Variants in ZNF248 observed in about 807,000 individuals in gnomAD.
The protein encoded by ZNF248 is KRAB protein domain.
Under a neutral mutation model 44.3 loss-of-function variants are expected in ZNF248, and 20 were observed. The ratio of observed to expected loss-of-function variants is 0.45; its 90% CI spans 0.32 to 0.66. The LOEUF is 0.66. Among genes scored for constraint, ZNF248 ranks in the 30% least tolerant of loss-of-function variants. The pLI is 0.04. For synonymous variants in ZNF248, 224 were observed against 229.0 expected (o/e 0.98, Z 0.20); for missense variants, 654 against 677.0 (o/e 0.97, Z 0.38).
chr10:37,831,093 C>T lies in ZNF248; in HGVS notation c.*522G>A. The stretch of plus-strand genomic sequence containing the variant: ...ATAATTATGTCAACCTATAAAGACA[C>T]CAATGGTATTTAGTGTAGAAAATAT... On this transcript the variant is annotated 3_prime_UTR_variant, in exon 6 of 6. Transcript: ENST00000395867. 2 of 1,375,940 alleles carry T rather than the reference C, an allele frequency of 1.5e-6. No homozygotes were observed. Among genetic ancestry groups the T allele is most frequent in the Non-Finnish European group, 9.5e-7 (1 of 1,054,964 alleles). 85.2% of individuals were successfully genotyped at this position (1,375,940 alleles called of 1,614,324 possible). A position where few individuals can be genotyped will look rare whatever the true frequency, so the allele number is the denominator to read the frequency against.
chr10:37,779,708 A>G (rs1044312476), intron 6 of ZNF248, among the ~76,000 whole-genome samples: 1 of 151,282 alleles, frequency 6.6e-6, no homozygotes, highest in African/African-American at 2.4e-5. Context: ...TCAATTAAGA[A>G]AAGAGGAAGT....
At chr10:37,811,740 G>C (rs1381295211) in intron 6 of ZNF248, among the ~76,000 whole-genome samples, 3 of 151,772 alleles carry the variant, frequency 2.0e-5, no homozygotes, top group Admixed American at 2.0e-4. Flanking sequence ...TAGCTGCTTG[G>C]GAAGCTGAGG....
chr10:37,830,975 T>G lies in ZNF248; in HGVS notation c.*640A>C. On this transcript the variant is annotated 3_prime_UTR_variant, in exon 6 of 6. Transcript: ENST00000395867. Reference sequence around the variant, plus strand: ...AAATTTAACAATCAGAACTTTTAAGTCAGTATGAGGTTATACTAGCACATC... The same window carrying G: ...AAATTTAACAATCAGAACTTTTAAGGCAGTATGAGGTTATACTAGCACATC... The G allele has an allele frequency of 1.1e-5, 6 of 563,248 alleles. No homozygotes were observed. The highest frequency in any genetic ancestry group is 1.4e-5 in the Non-Finnish European group (6 of 426,140). The allele number at this position is 563,248 out of a possible 1,614,324, so 34.9% of individuals were successfully genotyped here.
intron 3 of ZNF248, among the ~76,000 whole-genome samples, chr10:37,842,361 G>A (rs2058490827): frequency 6.6e-6 from 1 of 152,104 alleles, no homozygotes; most frequent in Non-Finnish European, 1.5e-5. Context: ...TTCTGAAAAG[G>A]TCAAAGGCTG....
chr10:37,765,224 T>A, the ZNF248 span, among the ~76,000 whole-genome samples: 1 of 152,152 alleles, frequency 6.6e-6, no homozygotes, highest in African/African-American at 2.4e-5. Context: ...CCCAAAGTGC[T>A]GGGATTATAG....
intron 6 of ZNF248, chr10:37,818,847 T>G: frequency 1.1e-6 from 1 of 952,280 alleles, no homozygotes. Flanking sequence ...TAGTATTCTC[T>G]TGTAGGATGT....
intron 6 of ZNF248, chr10:37,820,727 C>A (rs1474240448): frequency 7.6e-7 from 1 of 1,322,748 alleles, no homozygotes; most frequent in Non-Finnish European, 1.1e-6. Flanking sequence ...TCCCATGCTG[C>A]ACAAGCTCTG....
chr10:37,765,597 T>A, the ZNF248 span, among the ~76,000 whole-genome samples: 1 of 152,202 alleles, frequency 6.6e-6, no homozygotes, highest in Non-Finnish European at 1.5e-5. Flanking sequence ...CACTCCTAGC[T>A]CTTAAGTCCA....
chr10:37,818,721 T>C (rs996230203), intron 6 of ZNF248: 3 of 595,240 alleles, frequency 5.0e-6, no homozygotes, highest in African/African-American at 3.8e-5. Flanking sequence ...CACAGGCCAG[T>C]TGCTGGGCAT....
intron 6 of ZNF248, among the ~76,000 whole-genome samples, chr10:37,785,216 C>A (rs1055915789): frequency 1.3e-5 from 2 of 152,160 alleles, no homozygotes; most frequent in African/African-American, 4.8e-5. Flanking sequence ...AGACCAGTAA[C>A]AGCACAGTCC....
At chr10:37,764,201 C>G in the ZNF248 span, among the ~76,000 whole-genome samples, 1 of 152,180 alleles carries the variant, frequency 6.6e-6, no homozygotes, top group African/African-American at 2.4e-5. Flanking sequence ...GGGGAGGTCT[C>G]TAAAATGGCT....
At chr10:37,833,920 A>G (rs185717331) in intron 5 of ZNF248, among the ~76,000 whole-genome samples, 8 of 152,140 alleles carry the variant, frequency 5.3e-5, no homozygotes, top group South Asian at 2.1e-4. Context: ...AGTGAGAAAC[A>G]TAAGAATTAG....
At position 37,788,349 on chromosome 10, in the gene ZNF248, G is replaced by A. The variant is rs145935878; in HGVS notation, c.331-11774C>T. The stretch of plus-strand genomic sequence containing the variant: ...ATATACAAATGCAAGGGCCAGACAC[G>A]GTGGCTCACACCTGTAATCCCAGCA... On this transcript the variant is annotated intron_variant, in intron 6 of 6. Transcript: ENST00000615949. Among the ~76,000 whole-genome samples the A allele has an allele frequency of 4.7e-3, 704 of 151,240 alleles. 8 individuals are homozygous for A. The highest frequency in any genetic ancestry group is 0.016 in the African/African-American group (663 of 41,200).
chr10:37,824,673 A>ATTTTT (rs755411927), downstream of ZNF248, among the ~76,000 whole-genome samples: 5,130 of 78,572 alleles, frequency 0.065, 1,160 homozygotes, highest in Non-Finnish European at 0.075. Flanking sequence ...ATTATTTTAA[A>ATTTTT]TTTTTTTTTT....
chr10:37,849,794 C>G (rs1049795364), intron 3 of ZNF248, among the ~76,000 whole-genome samples: 1 of 151,800 alleles, frequency 6.6e-6, no homozygotes, highest in African/African-American at 2.4e-5. Context: ...TTCAGGGGGC[C>G]GGATGCAGTG....
intron 6 of ZNF248, among the ~76,000 whole-genome samples, chr10:37,807,992 T>A (rs1292829561): frequency 6.6e-6 from 1 of 152,176 alleles, no homozygotes; most frequent in Non-Finnish European, 1.5e-5. Context: ...TGGTTTTTAT[T>A]ACATTGACGT....
downstream of ZNF248, among the ~76,000 whole-genome samples, chr10:37,824,494 G>C (rs1005015796): frequency 6.6e-6 from 1 of 151,978 alleles, no homozygotes; most frequent in African/African-American, 2.4e-5. Context: ...AATGGTGTTG[G>C]GGTAAGTGGT....
chr10:37,767,361 G>A, the ZNF248 span, among the ~76,000 whole-genome samples: 1 of 152,144 alleles, frequency 6.6e-6, no homozygotes, highest in Non-Finnish European at 1.5e-5. Flanking sequence ...AAAATGTTAA[G>A]GGCAGCCAGA....
chr10:37,832,762 G>A lies in ZNF248; in HGVS notation c.593C>T (p.Ala198Val). The A allele has an allele frequency of 3.1e-6, 5 of 1,613,582 alleles. No individual in the cohort carries two copies. The highest frequency in any genetic ancestry group is 4.2e-6 in the Non-Finnish European group (5 of 1,179,830). The change falls in exon 6 of 6, where the codon GCC (alanine) becomes GTC (valine). Residue 198 changes from alanine (A) to valine (V), a missense_variant. Transcript: ENST00000395867. ...KSYKYDQKRNAINYHQDLSQP... is the reference protein window; with the variant it reads ...KSYKYDQKRNVINYHQDLSQP... The stretch of plus-strand genomic sequence containing the variant: ...ACTGAGATCCTGGTGATAATTAATG[G>A]CATTCCTTTTTTGATCATATTTATA...
Sources: gnomAD v4.1 joint callset for allele counts (sites outside exome capture counted in the v4.1 genomes callset) on GRCh38, gnomAD v4.1.1 for gene constraint, MANE v1.5 for transcripts, NCBI Gene and HGNC (gene_info 2026-07-23, HGNC 2026-07-21) for gene names.